FRMD4A: variants seen among roughly 807,000 people sequenced by gnomAD.
FRMD4A encodes the protein FERM domain containing 4A, also known as FERM domain-containing protein 4A.
In FRMD4A, 29 loss-of-function variants were observed where a neutral mutation model predicts 129.1. The observed-to-expected ratio is 0.22, with a 90% CI of 0.17 to 0.31. The LOEUF is 0.31. FRMD4A is among the 10% of genes least tolerant of loss of function. The pLI is 1.00. For synonymous variants in FRMD4A, 634 were observed against 571.6 expected (o/e 1.11, Z -1.56); for missense variants, 1,272 against 1,375.8 (o/e 0.92, Z 1.19).
Position 13,865,726 on chromosome 10 carries a change from G to A in FRMD4A, c.46-6814C>T, listed in dbSNP as rs1337521222. On this transcript the variant is annotated intron_variant, in intron 2 of 24. Coordinates refer to ENST00000357447, the MANE Select transcript of FRMD4A (RefSeq NM_018027.5). The stretch of plus-strand genomic sequence containing the variant: ...GCTGGGATTACAAGCATGAGCCACC[G>A]TGCCTGGCCTAGAGCATTTTTATAG... Among the ~76,000 whole-genome samples, 9 of 151,958 alleles carry A rather than the reference G, an allele frequency of 5.9e-5. No individual in the cohort carries two copies. The South Asian group carries it at 1.7e-3, about 28-fold the overall frequency.
chr10:14,259,056 G>A (rs972632104), intron 2 of FRMD4A, among the ~76,000 whole-genome samples: 1 of 152,136 alleles, frequency 6.6e-6, no homozygotes, highest in Non-Finnish European at 1.5e-5. Flanking sequence ...TGGAACAAGG[G>A]ATATGTTCAC....
intron 2 of FRMD4A, among the ~76,000 whole-genome samples, chr10:14,059,510 T>C (rs985579499): frequency 1.3e-5 from 2 of 152,218 alleles, no homozygotes. Flanking sequence ...GGAAAGGCTA[T>C]GTGAGCAGAC....
intron 8 of FRMD4A, among the ~76,000 whole-genome samples, chr10:13,750,829 C>T (rs565346763): frequency 6.6e-6 from 1 of 152,268 alleles, no homozygotes; most frequent in Admixed American, 6.5e-5. Context: ...TTCAGGAAAA[C>T]TCAATTCCAA....
In FRMD4A at chr10:14,018,002, G is replaced by A. The variant is rs184125772; in HGVS notation, c.46-159090C>T. Among the ~76,000 whole-genome samples, 12 of 152,306 alleles carry A rather than the reference G, an allele frequency of 7.9e-5. No homozygotes were observed. The East Asian group carries it at 2.3e-3, about 29-fold the overall frequency. ...CAAATCCTTAGAGGTAGATGAGGAT[G>A]AGTAGGGGATTCTAACTGCTCTTGC... On this transcript the variant is annotated intron_variant, in intron 2 of 24. Coordinates refer to ENST00000357447, the MANE Select transcript of FRMD4A (RefSeq NM_018027.5).
intron 2 of FRMD4A, among the ~76,000 whole-genome samples, chr10:14,055,341 T>C (rs1834458983): frequency 6.6e-6 from 1 of 152,144 alleles, no homozygotes; most frequent in African/African-American, 2.4e-5. Context: ...CTTTATGATG[T>C]TTCCCATCAA....
rs111948302 is a variant in FRMD4A, at chr10:14,034,323, C to T, written c.46-175411G>A. Among the ~76,000 whole-genome samples, 56 of 152,264 alleles carry T rather than the reference C, an allele frequency of 3.7e-4. 1 individual carries two copies. The highest frequency in any genetic ancestry group is 1.3e-3 in the African/African-American group (54 of 41,548). ...GCAGGTGAGGGCAGGTCTCGGGGTT[C>T]CGAGTGATGAGAATCCAGAGACGCA... On this transcript the variant is annotated intron_variant, in intron 2 of 24. Transcript: ENST00000357447.
chr10:13,694,953 G>A (rs1338975734), intron 14 of FRMD4A, among the ~76,000 whole-genome samples: 2 of 152,092 alleles, frequency 1.3e-5, no homozygotes, highest in Non-Finnish European at 2.9e-5. Flanking sequence ...ACCAACGAAC[G>A]TCTGACACGG....
intron 13 of FRMD4A, among the ~76,000 whole-genome samples, chr10:13,706,392 T>G (rs539273033): frequency 1.7e-4 from 26 of 152,242 alleles, no homozygotes; most frequent in East Asian, 1.4e-3. Flanking sequence ...CATTCCAACC[T>G]GGGGCCCCAC....
Position 13,927,252 on chromosome 10 carries a change from C to CAA in FRMD4A, c.46-68342_46-68341dup, listed in dbSNP as rs56034094. ...TGAGTGACAAAGCAAGACTCCGTCTCAAAAAAAAAGAAAAAAAAAATTCGG... is the reference window on the plus strand; with the variant it reads ...TGAGTGACAAAGCAAGACTCCGTCTCAAAAAAAAAAAGAAAAAAAAAATTCGG... On this transcript the variant is annotated intron_variant, in intron 2 of 24. Coordinates refer to ENST00000357447, the MANE Select transcript of FRMD4A (RefSeq NM_018027.5). Among the ~76,000 whole-genome samples, 49 of 149,278 alleles carry CAA rather than the reference C, an allele frequency of 3.3e-4. No individual in the cohort carries two copies. In the East Asian group the frequency reaches 3.5e-3, roughly 11 times the overall value.
chr10:13,948,963 A>G (rs957124168), intron 2 of FRMD4A, among the ~76,000 whole-genome samples: 2 of 152,098 alleles, frequency 1.3e-5, no homozygotes, highest in Non-Finnish European at 2.9e-5. Flanking sequence ...AGGATTTTTA[A>G]TAAGTTAAAA....
chr10:13,732,827 C>A (rs777961624), intron 12 of FRMD4A, among the ~76,000 whole-genome samples: 1 of 152,230 alleles, frequency 6.6e-6, no homozygotes, highest in Non-Finnish European at 1.5e-5. Flanking sequence ...TGTGCAGGGA[C>A]ACTGCTGGCC....
At chr10:14,055,455 A>G in intron 2 of FRMD4A, among the ~76,000 whole-genome samples, 1 of 14,250 alleles carries the variant, frequency 7.0e-5, no homozygotes, top group South Asian at 1.8e-3. Flanking sequence ...ACACACACAC[A>G]CACACAAACA....
At chr10:14,162,047 C>T (rs1012736593) in intron 2 of FRMD4A, among the ~76,000 whole-genome samples, 3 of 150,704 alleles carry the variant, frequency 2.0e-5, no homozygotes, top group South Asian at 4.2e-4. Context: ...TTTATTTAGA[C>T]AAATAAATCT....
chr10:13,818,988 C>A lies in FRMD4A; in HGVS notation c.112-8080G>T, dbSNP rs537801904. On this transcript the variant is annotated intron_variant, in intron 3 of 24. Transcript: ENST00000357447. Reference sequence around the variant, plus strand: ...TAAAAATACAAAAAAATTAGCTGGGCGTGGTGGCTCATGCCTGTAATCCCA... The same window carrying A: ...TAAAAATACAAAAAAATTAGCTGGGAGTGGTGGCTCATGCCTGTAATCCCA... 6.6e-5 allele frequency among the ~76,000 whole-genome samples: 10 copies of A among 152,110 alleles called. No homozygotes were observed. In the East Asian group the frequency reaches 1.9e-3, roughly 30 times the overall value.
intron 2 of FRMD4A, among the ~76,000 whole-genome samples, chr10:13,973,301 G>A (rs1015449670): frequency 7.2e-5 from 11 of 152,036 alleles, no homozygotes; most frequent in African/African-American, 1.7e-4. Flanking sequence ...CTTTTAATAC[G>A]TTTTCTCCTT....
intron 6 of FRMD4A, among the ~76,000 whole-genome samples, chr10:13,773,493 G>T (rs1225306670): frequency 6.6e-6 from 1 of 152,206 alleles, no homozygotes; most frequent in East Asian, 1.9e-4. Context: ...GAATGGAAAG[G>T]TCTTTCGACA....
chr10:13,864,043 T>C (rs2094330451), intron 2 of FRMD4A, among the ~76,000 whole-genome samples: 1 of 152,116 alleles, frequency 6.6e-6, no homozygotes, highest in Non-Finnish European at 1.5e-5. Context: ...TTGCCCAGGC[T>C]GGAGTGCAGT....
intron 2 of FRMD4A, among the ~76,000 whole-genome samples, chr10:14,001,135 G>A (rs976938900): frequency 1.3e-5 from 2 of 151,992 alleles, no homozygotes; most frequent in African/African-American, 4.8e-5. Flanking sequence ...ATTTCCTTGG[G>A]GCAGCTGTTC....
At chr10:13,666,906 CTTTTCTTTTTTT>C (rs1379909310) in intron 17 of FRMD4A, among the ~76,000 whole-genome samples, 2 of 129,506 alleles carry the variant, frequency 1.5e-5, no homozygotes, top group East Asian at 4.2e-4. Flanking sequence ...CTTTTCTTTT[CTTTTCTTTTTTT>C]TTTTTTTTTT....
Sources: allele counts gnomAD v4.1 joint callset (sites outside exome capture counted in the v4.1 genomes callset), GRCh38; gene constraint gnomAD v4.1.1; transcripts MANE v1.5; gene names NCBI Gene and HGNC (gene_info 2026-07-23, HGNC 2026-07-21).